Variants in NLGN1 observed in about 807,000 individuals in gnomAD.
NLGN1 encodes neuroligin 1.
In NLGN1, 12 loss-of-function variants were observed where a neutral mutation model predicts 65.5. The ratio of observed to expected loss-of-function variants is 0.18; its 90% confidence interval spans 0.12 to 0.30. NLGN1 has a LOEUF of 0.30. NLGN1 is among the 10% of genes least tolerant of loss of function. The pLI is 1.00. For missense variants in NLGN1, 750 were observed against 1,007.1 expected (o/e 0.74, Z 3.46); for synonymous variants, 350 against 359.5 (o/e 0.97, Z 0.30).
intron 2 of NLGN1, among the ~76,000 whole-genome samples, chr3:173,568,068 C>A (rs1743981382): frequency 2.0e-5 from 3 of 151,908 alleles, no homozygotes; most frequent in African/African-American, 7.3e-5. Flanking sequence ...ATATACATTA[C>A]CTCAAAAAAT....
intron 4 of NLGN1, among the ~76,000 whole-genome samples, chr3:174,125,314 G>T (rs889241922): frequency 6.6e-6 from 1 of 152,094 alleles, no homozygotes; most frequent in Admixed American, 6.6e-5. Flanking sequence ...TGCAGCAGGG[G>T]AAGATAAAAA....
intron 3 of NLGN1, among the ~76,000 whole-genome samples, chr3:173,726,212 C>T (rs1771749824): frequency 6.6e-6 from 1 of 151,604 alleles, no homozygotes; most frequent in Non-Finnish European, 1.5e-5. Context: ...TGCTTGTCTC[C>T]TTCTTATCCA....
chr3:173,916,226 G>T (rs1324655728), intron 4 of NLGN1, among the ~76,000 whole-genome samples: 1 of 152,134 alleles, frequency 6.6e-6, no homozygotes, highest in Non-Finnish European at 1.5e-5. Flanking sequence ...AAATAATGAG[G>T]AGTTTAAGTT....
chr3:174,148,558 C>T (rs1193247038), intron 4 of NLGN1, among the ~76,000 whole-genome samples: 1 of 152,148 alleles, frequency 6.6e-6, no homozygotes, highest in African/African-American at 2.4e-5. Flanking sequence ...TACTCAGCAG[C>T]ATAACCCAAT....
intron 4 of NLGN1, among the ~76,000 whole-genome samples, chr3:173,971,269 C>T (rs1327394685): frequency 1.3e-5 from 2 of 151,974 alleles, no homozygotes; most frequent in South Asian, 4.1e-4. Context: ...AATGAGATGT[C>T]GGTTGTGATA....
intron 4 of NLGN1, among the ~76,000 whole-genome samples, chr3:174,192,182 G>GA (rs1050042565): frequency 8.1e-5 from 12 of 148,410 alleles, no homozygotes; most frequent in East Asian, 2.0e-4. Context: ...TTTGTTTGAA[G>GA]AAAAAAAAAC....
chr3:174,154,309 C>T (rs908349256), intron 4 of NLGN1, among the ~76,000 whole-genome samples: 1 of 151,834 alleles, frequency 6.6e-6, no homozygotes, highest in African/African-American at 2.4e-5. Context: ...TATAAATATA[C>T]TTTTAAGTGC....
intron 3 of NLGN1, among the ~76,000 whole-genome samples, chr3:173,797,811 A>G (rs1459472951): frequency 6.6e-6 from 1 of 152,070 alleles, no homozygotes; most frequent in Non-Finnish European, 1.5e-5. Context: ...GCCCTCAACT[A>G]GCAACTGAGA....
At chr3:174,042,853 G>A (rs576607112) in intron 4 of NLGN1, among the ~76,000 whole-genome samples, 1 of 152,092 alleles carries the variant, frequency 6.6e-6, no homozygotes, top group Non-Finnish European at 1.5e-5. Flanking sequence ...TCCAAAAATG[G>A]CTCTCCCAAC....
At chr3:173,441,809 T>G (rs1192754306) in intron 2 of NLGN1, among the ~76,000 whole-genome samples, 1 of 152,182 alleles carries the variant, frequency 6.6e-6, no homozygotes, top group Non-Finnish European at 1.5e-5. Context: ...AGAGTTGCCA[T>G]AAACTTCCAA....
At chr3:174,077,352 C>T (rs1173326541) in intron 4 of NLGN1, among the ~76,000 whole-genome samples, 2 of 152,074 alleles carry the variant, frequency 1.3e-5, no homozygotes, top group African/African-American at 2.4e-5. Context: ...ACTACTAGAA[C>T]ATTGAAATCT....
chr3:173,855,795 T>C (rs1011547426), intron 4 of NLGN1, among the ~76,000 whole-genome samples: 3 of 152,118 alleles, frequency 2.0e-5, no homozygotes, highest in African/African-American at 7.2e-5. Flanking sequence ...CAAGGCGATA[T>C]CACAATTCAA....
intron 3 of NLGN1, among the ~76,000 whole-genome samples, chr3:173,675,887 T>TCTCACACACA (rs756157881): frequency 3.1e-4 from 43 of 138,642 alleles, no homozygotes; most frequent in Admixed American, 1.0e-3. Context: ...TCTCTCTCTC[T>TCTCACACACA]CACACACACA....
rs183637174 is a variant in NLGN1 at position 173,986,912 on chromosome 3, G to A, written c.646+179080G>A. 1.2e-4 allele frequency among the ~76,000 whole-genome samples: 19 copies of A among 152,290 alleles called. No individual in the cohort carries two copies. The East Asian group carries it at 3.5e-3, about 28-fold the overall frequency. ...CTGGTTTATCTCAAGTCTTGGAGCA[G>A]ATTTCTTAATGACATTTTGGTGAAT... On this transcript the variant is annotated intron_variant, in intron 4 of 6. Transcript: ENST00000457714.
At chr3:173,764,712 G>T (rs965380777) in intron 3 of NLGN1, among the ~76,000 whole-genome samples, 1 of 152,090 alleles carries the variant, frequency 6.6e-6, no homozygotes, top group Non-Finnish European at 1.5e-5. Flanking sequence ...GTAGTAGAAT[G>T]AAAGGATTTC....
intron 4 of NLGN1, among the ~76,000 whole-genome samples, chr3:173,977,676 T>G (rs1717818927): frequency 6.6e-6 from 1 of 151,944 alleles, no homozygotes; most frequent in Non-Finnish European, 1.5e-5. Flanking sequence ...GCACAAACTC[T>G]GGGAGAGTGA....
chr3:174,026,620 A>G (rs574378034), intron 4 of NLGN1, among the ~76,000 whole-genome samples: 167 of 152,326 alleles, frequency 1.1e-3, no homozygotes, highest in Non-Finnish European at 2.0e-3. Flanking sequence ...CAAGCTTAAT[A>G]GAGTATGAGG....
chr3:173,419,194 G>A (rs1459056626), intron 1 of NLGN1, among the ~76,000 whole-genome samples: 1 of 151,172 alleles, frequency 6.6e-6, no homozygotes, highest in African/African-American at 2.4e-5. Flanking sequence ...TTTCAATCAG[G>A]AGCGCTTTCT....
At chr3:173,861,048 A>T (rs1325117712) in intron 4 of NLGN1, among the ~76,000 whole-genome samples, 1 of 152,152 alleles carries the variant, frequency 6.6e-6, no homozygotes, top group Non-Finnish European at 1.5e-5. Context: ...TTCCTTCTCT[A>T]TCACAGTGCA....
Sources: gnomAD v4.1 joint callset for allele counts (sites outside exome capture counted in the v4.1 genomes callset) on GRCh38, gnomAD v4.1.1 for gene constraint, MANE v1.5 for transcripts, NCBI Gene and HGNC (gene_info 2026-07-23, HGNC 2026-07-21) for gene names.